C14orf132: variants seen among roughly 807,000 people sequenced by gnomAD.
The protein encoded by C14orf132 is uncharacterized protein C14orf132.
Under a neutral mutation model 5.8 loss-of-function variants are expected in C14orf132, and 6 were observed. That is an observed-to-expected ratio of 1.03 (90% confidence interval 0.57 to 2.04). C14orf132 has a LOEUF of 2.04. Among genes scored for constraint, C14orf132 ranks in the 30% most tolerant of loss-of-function variants. The pLI is 0.00. For missense variants in C14orf132, 125 were observed against 115.8 expected (o/e 1.08, Z -0.37); for synonymous variants, 51 against 49.8 (o/e 1.02, Z -0.10).
chr14:96,073,933 A>G (rs1474935714), intron 1 of C14orf132, among the ~76,000 whole-genome samples: 2 of 152,254 alleles, frequency 1.3e-5, no homozygotes, highest in Non-Finnish European at 2.9e-5. Context: ...AAACTAACAC[A>G]GAAACAGAAA....
chr14:96,061,162 G>A (rs1233597157), intron 1 of C14orf132, among the ~76,000 whole-genome samples: 1 of 152,140 alleles, frequency 6.6e-6, no homozygotes, highest in Non-Finnish European at 1.5e-5. Context: ...CTTTTCTTCT[G>A]TCAGCTCAAG....
chr14:96,079,610 A>G (rs1032604207), intron 1 of C14orf132, among the ~76,000 whole-genome samples: 3 of 152,130 alleles, frequency 2.0e-5, no homozygotes, highest in African/African-American at 4.8e-5. Context: ...TATTTGTTGA[A>G]TGAATAATGA....
At chr14:96,042,123 T>C (rs1269502820) in intron 1 of C14orf132, among the ~76,000 whole-genome samples, 1 of 152,116 alleles carries the variant, frequency 6.6e-6, no homozygotes. Flanking sequence ...GGGCTGAAGA[T>C]GGATTAGAAC....
intron 1 of C14orf132, among the ~76,000 whole-genome samples, chr14:96,066,556 A>G (rs1014302713): frequency 6.6e-6 from 1 of 152,136 alleles, no homozygotes; most frequent in African/African-American, 2.4e-5. Context: ...AGCTCAGTGC[A>G]CAGCAATTGT....
Position 96,086,733 on chromosome 14 carries a change from T to G in C14orf132, c.250T>G (p.Ter84GlyextTer15). 2.0e-6 allele frequency: 3 copies of G among 1,535,998 alleles called. No individual in the cohort carries two copies. The African/African-American group carries it at 4.1e-5, about 21-fold the overall frequency. The change falls in exon 2 of 2, where the codon TGA becomes GGA. Residue 84 changes from the stop codon to glycine, a stop_lost. Transcript: ENST00000555004. ...GGGCGTGGTGTATGCCTTCACCTTCTGAGGACGGCACACCCTGCACCACCA... is the reference window on the plus strand; with the variant it reads ...GGGCGTGGTGTATGCCTTCACCTTCGGAGGACGGCACACCCTGCACCACCA... ...VVGVVYAFTF[*>G]
At chr14:96,073,904 G>A (rs751200628) in intron 1 of C14orf132, among the ~76,000 whole-genome samples, 4 of 152,182 alleles carry the variant, frequency 2.6e-5, no homozygotes, top group Non-Finnish European at 5.9e-5. Flanking sequence ...GGATGGAGCT[G>A]GAAGCTGTTA....
At position 96,039,560 on chromosome 14, in the gene C14orf132, C is replaced by A; in HGVS notation, c.27+33C>A. 6.7e-7 allele frequency: 1 copy of A among 1,495,270 alleles called. No individual in the cohort carries two copies. Among genetic ancestry groups the A allele is most frequent in the Non-Finnish European group, 8.9e-7 (1 of 1,124,806 alleles). The allele number at this position is 1,495,270 out of a possible 1,614,324, so 92.6% of individuals were successfully genotyped here. On this transcript the variant is annotated intron_variant, in intron 1 of 1. Coordinates refer to ENST00000555004, the MANE Select transcript of C14orf132 (RefSeq NM_001252507.3). The surrounding 1 kb of genome is among the most constrained non-coding windows in gnomAD (Gnocchi z 5.3). ...GGCGTCCCCCCCACGCGCCCCGGGC[C>A]GCCAAGTTTGGGGAGGTTCGGGGCC...
intron 1 of C14orf132, among the ~76,000 whole-genome samples, chr14:96,056,080 C>T (rs1045489959): frequency 6.6e-6 from 1 of 152,212 alleles, no homozygotes; most frequent in Non-Finnish European, 1.5e-5. Flanking sequence ...GGGACAGGTG[C>T]TCAGTAAAGA....
chr14:96,054,994 A>AT (rs1373662740), intron 1 of C14orf132, among the ~76,000 whole-genome samples: 1 of 152,122 alleles, frequency 6.6e-6, no homozygotes, highest in Non-Finnish European at 1.5e-5. Flanking sequence ...TTTACAACTG[A>AT]TTTTTTTGAA....
rs1376515470 is a variant in C14orf132, at chr14:96,090,767, C to T, written c.*4032C>T. 1 of 455,956 alleles carries T rather than the reference C, an allele frequency of 2.2e-6. No homozygotes were observed. Among genetic ancestry groups the T allele is most frequent in the Non-Finnish European group, 4.4e-6 (1 of 226,800 alleles). The allele number at this position is 455,956 out of a possible 1,614,324, so 28.2% of individuals were successfully genotyped here. A position where few individuals can be genotyped will look rare whatever the true frequency, so the allele number is the denominator to read the frequency against. On this transcript the variant is annotated 3_prime_UTR_variant, in exon 2 of 2. Transcript: ENST00000555004. ...AGATGCTTTTCCAGCCCCGGTTCAGCTGGAAGGCTTGGAGGCTGGCCAGAC... is the reference window on the plus strand; with the variant it reads ...AGATGCTTTTCCAGCCCCGGTTCAGTTGGAAGGCTTGGAGGCTGGCCAGAC...
intron 1 of C14orf132, among the ~76,000 whole-genome samples, chr14:96,054,395 C>T (rs927556348): frequency 6.6e-6 from 1 of 152,102 alleles, no homozygotes; most frequent in Non-Finnish European, 1.5e-5. Flanking sequence ...GGGATTTTGC[C>T]GCTTAAATAT....
At chr14:96,055,006 C>T (rs1262951122) in intron 1 of C14orf132, among the ~76,000 whole-genome samples, 1 of 152,184 alleles carries the variant, frequency 6.6e-6, no homozygotes, top group African/African-American at 2.4e-5. Flanking sequence ...TTTTTTGAAG[C>T]TTAGCACAGA....
At chr14:96,046,024 T>G (rs535515880) in intron 1 of C14orf132, among the ~76,000 whole-genome samples, 1 of 152,306 alleles carries the variant, frequency 6.6e-6, no homozygotes, top group Non-Finnish European at 1.5e-5. Flanking sequence ...TGACTTGGGC[T>G]TCCTCCCAGT....
chr14:96,086,674 C>G lies in C14orf132; in HGVS notation c.191C>G (p.Ala64Gly). ...SSNDAVLLWI[A>G]IIATLGNIVV... Reference sequence around the variant, plus strand: ...AACGACGCCGTCTTGCTATGGATTGCCATCATAGCTACGCTGGGGAACATC... The same window carrying G: ...AACGACGCCGTCTTGCTATGGATTGGCATCATAGCTACGCTGGGGAACATC... Residue 64 changes from alanine to glycine, a missense_variant, in exon 2 of 2, where the codon GCC becomes GGC. By Grantham distance (60) the Ala-to-Gly change is moderately conservative. Coordinates refer to ENST00000555004, the MANE Select transcript of C14orf132 (RefSeq NM_001252507.3). 6.5e-7 allele frequency: 1 copy of G among 1,536,200 alleles called. No individual in the cohort carries two copies. Among genetic ancestry groups the G allele is most frequent in the Non-Finnish European group, 8.7e-7 (1 of 1,146,932 alleles).
chr14:96,085,652 G>A (rs754998598), intron 1 of C14orf132, among the ~76,000 whole-genome samples: 3 of 152,216 alleles, frequency 2.0e-5, no homozygotes, highest in Admixed American at 6.5e-5. Context: ...CCTATCCACC[G>A]GAAGGTATAC....
chr14:96,085,341 A>T (rs1888150157), intron 1 of C14orf132, among the ~76,000 whole-genome samples: 5 of 152,212 alleles, frequency 3.3e-5, no homozygotes, highest in Admixed American at 3.3e-4. Context: ...TTATGGGCCA[A>T]ATAGGTGTCA....
rs891396511 is a variant in C14orf132 at position 96,090,397 on chromosome 14, A to G, written c.*3662A>G. ...CAGAACGAGACTCTGTCTCAAAAAA[A>G]AAAAAAAAGAAAAGAAAAAAAAAAA... On this transcript the variant is annotated 3_prime_UTR_variant, in exon 2 of 2. Coordinates refer to ENST00000555004, the MANE Select transcript of C14orf132 (RefSeq NM_001252507.3). 5.4e-5 allele frequency: 16 copies of G among 296,088 alleles called. No homozygotes were observed. Among genetic ancestry groups the G allele is most frequent in the African/African-American group, 3.6e-4 (16 of 44,838 alleles). 18.3% of individuals were successfully genotyped at this position (296,088 alleles called of 1,614,324 possible).
chr14:96,049,940 A>G (rs1283317179), intron 1 of C14orf132, among the ~76,000 whole-genome samples: 1 of 151,894 alleles, frequency 6.6e-6, no homozygotes, highest in African/African-American at 2.4e-5. Flanking sequence ...GCTAATTTGG[A>G]TCTTTTATAT....
intron 1 of C14orf132, among the ~76,000 whole-genome samples, chr14:96,078,591 C>T (rs1887943562): frequency 6.6e-6 from 1 of 152,182 alleles, no homozygotes; most frequent in African/African-American, 2.4e-5. Context: ...TTCATACTCT[C>T]CTAGTTTCAT....
Sources: gnomAD v4.1 joint callset for allele counts (sites outside exome capture counted in the v4.1 genomes callset) on GRCh38, gnomAD v4.1.1 for gene constraint, Gnocchi (gnomAD v3.1) non-coding constraint, MANE v1.5 for transcripts, NCBI Gene and HGNC (gene_info 2026-07-23, HGNC 2026-07-21) for gene names.